The following PTPN13 variants were observed in gnomAD, a reference collection of about 807,000 sequenced individuals.
The protein encoded by PTPN13 is tyrosine-protein phosphatase non-receptor type 13.
PTPN13 carries 191 observed loss-of-function variants against 284.0 expected under a neutral mutation model. The ratio of observed to expected loss-of-function variants is 0.67; its 90% CI spans 0.60 to 0.76. The LOEUF (loss-of-function observed/expected upper bound fraction) is 0.76, where lower values mean the gene tolerates loss of function less well. Among genes scored for constraint, PTPN13 ranks in the 30% least tolerant of loss-of-function variants. The pLI is 0.00. For missense variants in PTPN13, 2,797 were observed against 2,939.9 expected (o/e 0.95, Z 1.12); for synonymous variants, 986 against 1,022.3 (o/e 0.96, Z 0.68).
Position 86,701,396 on chromosome 4 carries a change from G to A in PTPN13, c.790G>A (p.Gly264Arg), listed in dbSNP as rs764917773. The change falls in exon 7 of 48, where the codon GGA (glycine) becomes AGA (arginine). Residue 264 changes from glycine to arginine, a missense_variant. By Grantham distance (125) the Gly-to-Arg change is moderately radical (BLOSUM62 -2). Transcript: ENST00000411767. Reference protein sequence around the residue: ...YFKDILSDNSGREDSENTFSP... With the variant: ...YFKDILSDNSRREDSENTFSP... ...CAAGGACATTTTATCAGATAATTCTGGACGTGAAGATTCTGAAAATACATT... is the reference window on the plus strand; with the variant it reads ...CAAGGACATTTTATCAGATAATTCTAGACGTGAAGATTCTGAAAATACATT... 1 of 1,613,472 alleles carries A rather than the reference G, an allele frequency of 6.2e-7. No homozygotes were observed. Among genetic ancestry groups the A allele is most frequent in the East Asian group, 2.2e-5 (1 of 44,874 alleles).
At chr4:86,791,791 C>T (rs1405570525) in intron 40 of PTPN13, among the ~76,000 whole-genome samples, 1 of 152,154 alleles carries the variant, frequency 6.6e-6, no homozygotes, top group Non-Finnish European at 1.5e-5. Context: ...AACTAACAAA[C>T]AGAAAGGAAT....
Position 86,750,658 on chromosome 4 carries a change from C to T in PTPN13, c.2839C>T (p.Gln947Ter), listed in dbSNP as rs1287436296. ...CSELSLYQPL[Q>*]NSSKEKNDKA... ...AGAGCTGTCGCTTTACCAGCCATTG[C>T]AAAACAGTTCAAAAGAGAAGAATGA... The change falls in exon 18 of 48, where the codon CAA (glutamine) becomes TAA (stop). Residue 947 changes from glutamine to a stop codon, truncating the protein, a stop_gained. Transcript: ENST00000411767. LOFTEE classifies it high-confidence loss of function. The T allele has an allele frequency of 6.2e-7, 1 of 1,613,886 alleles. No homozygotes were observed. The highest frequency in any genetic ancestry group is 8.5e-7 in the Non-Finnish European group (1 of 1,179,860).
chr4:86,654,625 T>C (rs2148820849), intron 2 of PTPN13, among the ~76,000 whole-genome samples: 1 of 152,358 alleles, frequency 6.6e-6, no homozygotes, highest in Non-Finnish European at 1.5e-5. Flanking sequence ...GTAATTTCTG[T>C]TCTTTTACAT....
intron 2 of PTPN13, among the ~76,000 whole-genome samples, chr4:86,637,890 G>C (rs1281946013): frequency 6.0e-5 from 9 of 151,112 alleles, no homozygotes; most frequent in African/African-American, 2.2e-4. Context: ...AAGTCAAATT[G>C]TCCCTGTTTG....
chr4:86,685,405 TC>T (rs1233367947), intron 3 of PTPN13, among the ~76,000 whole-genome samples: 1 of 152,128 alleles, frequency 6.6e-6, no homozygotes, highest in African/African-American at 2.4e-5. Flanking sequence ...GGTCAGGAGT[TC>T]GAGAACAGCC....
chr4:86,774,537 A>T lies in PTPN13; in HGVS notation c.5508+6A>T, dbSNP rs1256348513. On this transcript the variant is annotated splice_donor_region_variant and intron_variant, in intron 33 of 47. Coordinates refer to ENST00000411767, the MANE Select transcript of PTPN13 (RefSeq NM_080683.3). ...CTGGGGACCGGCTCATAAAGGTGAG[A>T]CATTTAAGAGGAATGGATTATTTGT... The T allele has an allele frequency of 1.9e-6, 3 of 1,588,130 alleles. No homozygotes were observed. In the African/African-American group the frequency reaches 4.0e-5, roughly 21 times the overall value.
rs1721435148 is a variant in PTPN13, at chr4:86,623,020, T to C, written c.-5-12232T>C. ...GAGCATCAATATCAACAAAAACTTT[T>C]GGCCCTTCCTTCAAGATATTTCCAG... On this transcript the variant is annotated intron_variant, in intron 1 of 47. Coordinates refer to ENST00000411767, the MANE Select transcript of PTPN13 (RefSeq NM_080683.3). Among the ~76,000 whole-genome samples, 3 of 152,210 alleles carry C rather than the reference T, an allele frequency of 2.0e-5. No individual in the cohort carries two copies. The South Asian group carries it at 6.2e-4, about 32-fold the overall frequency.
intron 4 of PTPN13, among the ~76,000 whole-genome samples, chr4:86,687,342 G>A (rs999492126): frequency 6.6e-6 from 1 of 152,138 alleles, no homozygotes; most frequent in Non-Finnish European, 1.5e-5. Flanking sequence ...CCATTGGGCT[G>A]CTTCTAGTCA....
intron 2 of PTPN13, among the ~76,000 whole-genome samples, chr4:86,636,870 A>C (rs993217455): frequency 1.3e-5 from 2 of 152,178 alleles, no homozygotes; most frequent in African/African-American, 4.8e-5. Context: ...AAACCCTTCA[A>C]AAAATTAATG....
intron 2 of PTPN13, among the ~76,000 whole-genome samples, chr4:86,650,989 G>C (rs1394216756): frequency 3.3e-5 from 5 of 152,102 alleles, no homozygotes; most frequent in Non-Finnish European, 7.4e-5. Flanking sequence ...TCCTTACCTT[G>C]TTACAGATCT....
At chr4:86,737,152 C>A (rs1002600580) in intron 15 of PTPN13, among the ~76,000 whole-genome samples, 1 of 151,856 alleles carries the variant, frequency 6.6e-6, no homozygotes, top group Non-Finnish European at 1.5e-5. Flanking sequence ...GATGTAGGAT[C>A]ACTTGAGCCT....
chr4:86,791,993 G>T (rs1451325775), intron 40 of PTPN13, among the ~76,000 whole-genome samples: 1 of 152,146 alleles, frequency 6.6e-6, no homozygotes, highest in East Asian at 1.9e-4. Flanking sequence ...AACAAAACTG[G>T]ACAGAGGATG....
intron 9 of PTPN13, among the ~76,000 whole-genome samples, chr4:86,718,696 C>A (rs987801335): frequency 1.3e-5 from 2 of 152,130 alleles, no homozygotes; most frequent in Non-Finnish European, 2.9e-5. Context: ...AGTTATCCAC[C>A]CACCTCAGCC....
At chr4:86,606,001 G>A (rs910341560) in intron 1 of PTPN13, among the ~76,000 whole-genome samples, 4 of 151,874 alleles carry the variant, frequency 2.6e-5, no homozygotes, top group African/African-American at 7.2e-5. Context: ...AGTCTATAAT[G>A]GTCAAGTAAA....
At chr4:86,792,236 A>G (rs1235342326) in intron 40 of PTPN13, among the ~76,000 whole-genome samples, 1 of 152,232 alleles carries the variant, frequency 6.6e-6, no homozygotes, top group African/African-American at 2.4e-5. Context: ...CGCCGATTCG[A>G]TCAAGTAGAA....
intron 10 of PTPN13, among the ~76,000 whole-genome samples, chr4:86,732,065 A>T (rs751169920): frequency 2.6e-5 from 4 of 152,330 alleles, no homozygotes; most frequent in Non-Finnish European, 5.9e-5. Flanking sequence ...CTTCTTCAAG[A>T]CCTTTTTTTT....
At position 86,807,693 on chromosome 4, in the gene PTPN13, C is replaced by G; in HGVS notation, c.6879C>G (p.Phe2293Leu). 2 of 1,614,018 alleles carry G rather than the reference C, an allele frequency of 1.2e-6. No homozygotes were observed. Among genetic ancestry groups the G allele is most frequent in the South Asian group, 2.2e-5 (2 of 91,082 alleles). The change falls in exon 45 of 48, where the codon TTC becomes TTG. Residue 2293 changes from phenylalanine to leucine, a missense_variant. Physicochemically the swap from Phe to Leu is conservative, Grantham distance 22. Transcript: ENST00000411767. ...CACTGCCTACAACTGTTGGAGACTT[C>G]TGGCAGATGATTTGGGAGCAAAAAT... ...QGPLPTTVGD[F>L]WQMIWEQKST...
At chr4:86,647,037 C>A (rs1724522570) in intron 2 of PTPN13, among the ~76,000 whole-genome samples, 1 of 152,036 alleles carries the variant, frequency 6.6e-6, no homozygotes, top group African/African-American at 2.4e-5. Flanking sequence ...AGTGACAAAG[C>A]AGATCAGTGG....
At chr4:86,606,889 C>T (rs1764804140) in intron 1 of PTPN13, among the ~76,000 whole-genome samples, 1 of 151,866 alleles carries the variant, frequency 6.6e-6, no homozygotes, top group Admixed American at 6.6e-5. Context: ...TGATTAATAA[C>T]TGTCCATAAT....
Sources: allele counts gnomAD v4.1 joint callset (sites outside exome capture counted in the v4.1 genomes callset), GRCh38; gene constraint gnomAD v4.1.1; transcripts MANE v1.5; gene names NCBI Gene and HGNC (gene_info 2026-07-23, HGNC 2026-07-21).